NRXN3: variants seen among roughly 807,000 people sequenced by gnomAD.
NRXN3 encodes neurexin 3, also known as neurexin III.
A neutral mutation model predicts 137.6 loss-of-function variants in NRXN3; 32 were observed. The ratio of observed to expected loss-of-function variants is 0.23; its 90% CI spans 0.18 to 0.31. NRXN3 has a LOEUF of 0.31. Among genes scored for constraint, NRXN3 ranks in the 10% least tolerant of loss-of-function variants. The probability of loss-of-function intolerance (pLI) is 1.00; values close to 1 mark genes in which losing one functional copy is unlikely to be tolerated. For synonymous variants in NRXN3, 798 were observed against 784.5 expected (o/e 1.02, Z -0.29); for missense variants, 1,574 against 2,062.5 (o/e 0.76, Z 4.59).
intron 15 of NRXN3, among the ~76,000 whole-genome samples, chr14:79,350,711 A>C (rs1270917589): frequency 1.3e-5 from 2 of 152,044 alleles, no homozygotes; most frequent in African/African-American, 2.4e-5. Flanking sequence ...GGAGTAAGGT[A>C]TTAGAGTTTA....
chr14:79,032,350 G>A (rs2099609582), intron 15 of NRXN3, among the ~76,000 whole-genome samples: 1 of 152,132 alleles, frequency 6.6e-6, no homozygotes, highest in South Asian at 2.1e-4. Flanking sequence ...TTGGGAATAA[G>A]AATAATACTA....
At chr14:78,377,576 G>A (rs2088130261) in intron 4 of NRXN3, among the ~76,000 whole-genome samples, 1 of 152,188 alleles carries the variant, frequency 6.6e-6, no homozygotes, top group Non-Finnish European at 1.5e-5. Context: ...CACACAGAGT[G>A]GCTTAAACAA....
chr14:79,565,883 C>T (rs554371987), intron 16 of NRXN3, among the ~76,000 whole-genome samples: 2 of 152,190 alleles, frequency 1.3e-5, no homozygotes, highest in Middle Eastern at 3.4e-3. Flanking sequence ...ATACAAATTA[C>T]AATTGTTAAT....
intron 8 of NRXN3, among the ~76,000 whole-genome samples, chr14:78,756,819 T>A (rs1167788513): frequency 6.6e-6 from 1 of 152,248 alleles, no homozygotes; most frequent in Non-Finnish European, 1.5e-5. Context: ...AATAGACTGA[T>A]TAAAATCTTA....
intron 4 of NRXN3, among the ~76,000 whole-genome samples, chr14:78,405,615 G>GGGC (rs74393668): frequency 5.5e-5 from 8 of 144,318 alleles, no homozygotes; most frequent in East Asian, 2.2e-4. Flanking sequence ...GGAAGGGGCG[G>GGGC]GGGGGTTCCG....
chr14:78,448,356 A>T (rs1295490068), intron 4 of NRXN3, among the ~76,000 whole-genome samples: 1 of 152,230 alleles, frequency 6.6e-6, no homozygotes, highest in Non-Finnish European at 1.5e-5. Context: ...CTTTTGTAAA[A>T]ATACAAGCGT....
intron 14 of NRXN3, among the ~76,000 whole-genome samples, chr14:78,979,407 A>G (rs1262773413): frequency 6.6e-6 from 1 of 152,160 alleles, no homozygotes; most frequent in East Asian, 1.9e-4. Flanking sequence ...TAGGGTTTCT[A>G]TAGACTTATT....
chr14:79,468,604 A>G (rs2096459882), intron 16 of NRXN3, among the ~76,000 whole-genome samples: 1 of 152,214 alleles, frequency 6.6e-6, no homozygotes, highest in Non-Finnish European at 1.5e-5. Context: ...AGAGGATACA[A>G]TTTCATTGCT....
chr14:79,660,067 A>AC (rs2098526022), intron 16 of NRXN3, among the ~76,000 whole-genome samples: 2 of 152,132 alleles, frequency 1.3e-5, no homozygotes, highest in South Asian at 4.1e-4. Context: ...GCTTCAGAAA[A>AC]ATCAAGTAAT....
At chr14:78,420,728 GA>G (rs1351086315) in intron 4 of NRXN3, among the ~76,000 whole-genome samples, 1 of 152,218 alleles carries the variant, frequency 6.6e-6, no homozygotes, top group South Asian at 2.1e-4. Flanking sequence ...ATGACAATTG[GA>G]AAATTAAAAG....
At chr14:78,718,080 A>C (rs1235188255) in intron 8 of NRXN3, among the ~76,000 whole-genome samples, 1 of 152,194 alleles carries the variant, frequency 6.6e-6, no homozygotes, top group African/African-American at 2.4e-5. Flanking sequence ...TTTCGGATTA[A>C]GGAGCCCTGC....
chr14:79,824,375 T>C (rs917096068), intron 20 of NRXN3, among the ~76,000 whole-genome samples: 1 of 143,836 alleles, frequency 7.0e-6, no homozygotes, highest in Middle Eastern at 3.5e-3. Context: ...GTCTCTTTAG[T>C]CATTTAGTTT....
intron 20 of NRXN3, among the ~76,000 whole-genome samples, chr14:79,831,422 G>T (rs553822668): frequency 1.3e-5 from 2 of 152,156 alleles, no homozygotes; most frequent in African/African-American, 2.4e-5. Flanking sequence ...TTAGACAAAG[G>T]CTTGACGATT....
chr14:78,600,716 G>A (rs1247439258), intron 4 of NRXN3, among the ~76,000 whole-genome samples: 2 of 152,148 alleles, frequency 1.3e-5, no homozygotes, highest in East Asian at 1.9e-4. Flanking sequence ...CAGGGCTCTG[G>A]ACATGTGTCC....
intron 15 of NRXN3, among the ~76,000 whole-genome samples, chr14:79,107,432 A>G (rs2052654925): frequency 6.6e-6 from 1 of 152,198 alleles, no homozygotes; most frequent in African/African-American, 2.4e-5. Flanking sequence ...CCAGCATCGA[A>G]GGCCATAGTA....
At chr14:79,358,890 G>A (rs1446748065) in intron 15 of NRXN3, among the ~76,000 whole-genome samples, 1 of 152,210 alleles carries the variant, frequency 6.6e-6, no homozygotes, top group East Asian at 1.9e-4. Flanking sequence ...AAAAAATTAT[G>A]TTGTTAATTT....
In NRXN3 at chr14:78,956,015, A is replaced by G. The variant is rs533671600; in HGVS notation, c.2276-1227A>G. On this transcript the variant is annotated intron_variant, in intron 10 of 20. Coordinates refer to ENST00000335750, the MANE Select transcript of NRXN3 (RefSeq NM_001330195.2). The stretch of plus-strand genomic sequence containing the variant: ...TCAAGCACTCATTAAAGCTCCTACT[A>G]TGTACTTGGCCCTGTGCTCAGTATA... 6.6e-5 allele frequency among the ~76,000 whole-genome samples: 10 copies of G among 152,300 alleles called. No individual in the cohort carries two copies. In the South Asian group the frequency reaches 2.1e-3, roughly 32 times the overall value.
intron 16 of NRXN3, among the ~76,000 whole-genome samples, chr14:79,568,626 T>G (rs1051901853): frequency 3.9e-5 from 6 of 152,300 alleles, no homozygotes; most frequent in African/African-American, 1.4e-4. Flanking sequence ...GCCGGGAGAC[T>G]CCTCCTGTGG....
intron 4 of NRXN3, among the ~76,000 whole-genome samples, chr14:78,552,005 C>T (rs553363399): frequency 5.9e-5 from 9 of 152,234 alleles, no homozygotes; most frequent in African/African-American, 2.2e-4. Context: ...CATTTGAAAG[C>T]CAGGCCCTGC....
Sources: allele counts gnomAD v4.1 joint callset (sites outside exome capture counted in the v4.1 genomes callset), GRCh38; gene constraint gnomAD v4.1.1; transcripts MANE v1.5; gene names NCBI Gene and HGNC (gene_info 2026-07-23, HGNC 2026-07-21).